HGSNAT: variants seen among roughly 807,000 people sequenced by gnomAD.
HGSNAT encodes heparan-alpha-glucosaminide N-acetyltransferase.
Under a neutral mutation model 85.2 loss-of-function variants are expected in HGSNAT, and 59 were observed. The ratio of observed to expected loss-of-function variants is 0.69; its 90% CI spans 0.56 to 0.86. HGSNAT has a LOEUF of 0.86. HGSNAT is among the 40% of genes least tolerant of loss of function. The pLI, the probability that HGSNAT is intolerant of heterozygous loss-of-function variation, is 0.00. For missense variants in HGSNAT, 756 were observed against 777.1 expected (o/e 0.97, Z 0.32); for synonymous variants, 321 against 304.5 (o/e 1.05, Z -0.56).
intron 1 of HGSNAT, among the ~76,000 whole-genome samples, chr8:43,141,326 G>GC (rs1802530193): frequency 6.6e-6 from 1 of 152,260 alleles, no homozygotes; most frequent in African/African-American, 2.4e-5. Context: ...GAGGGGCCGG[G>GC]CTGGGCGCTT....
At position 43,202,336 on chromosome 8, in the gene HGSNAT, C is replaced by T. The variant is rs74762381; in HGVS notation, c.*2767C>T. On this transcript the variant is annotated 3_prime_UTR_variant, in exon 18 of 18. Coordinates refer to ENST00000379644, the MANE Select transcript of HGSNAT (RefSeq NM_152419.3). ...TATCAGCTAGAAGCGCCTCGCTTGTCCCAAGACCAGCAGGGACAGGGAACT... is the reference window on the plus strand; with the variant it reads ...TATCAGCTAGAAGCGCCTCGCTTGTTCCAAGACCAGCAGGGACAGGGAACT... The T allele has an allele frequency of 4.4e-3, 671 of 152,464 alleles. 8 individuals carry two copies. Among genetic ancestry groups the T allele is most frequent in the African/African-American group, 0.015 (642 of 41,572 alleles). The allele number at this position is 152,464 out of a possible 1,614,324, so 9.4% of individuals were successfully genotyped here.
At chr8:43,149,838 T>G (rs185628097) in intron 2 of HGSNAT, among the ~76,000 whole-genome samples, 191 of 152,312 alleles carry the variant, frequency 1.3e-3, no homozygotes, top group African/African-American at 4.5e-3. Context: ...TGGAAGGATA[T>G]CTTTAAGATA....
intron 11 of HGSNAT, among the ~76,000 whole-genome samples, chr8:43,187,549 A>T (rs1305621132): frequency 1.3e-5 from 2 of 152,068 alleles, no homozygotes; most frequent in Non-Finnish European, 2.9e-5. Flanking sequence ...TGCACGTGAG[A>T]TGGGTCTCCT....
chr8:43,177,945 T>C, intron 9 of HGSNAT, 129 bp from the exon 10 acceptor site: 2 of 786,300 alleles, frequency 2.5e-6, no homozygotes, highest in Non-Finnish European at 4.3e-6. Context: ...TAGCTCAGTA[T>C]TATTTCAGTA....
chr8:43,150,461 TCAAAA>T, intron 2 of HGSNAT, among the ~76,000 whole-genome samples: 1 of 151,740 alleles, frequency 6.6e-6, no homozygotes, highest in African/African-American at 2.4e-5. Context: ...CTCATCTCTT[TCAAAA>T]CAAAACAAAA....
intron 11 of HGSNAT, 142 bp downstream of exon 11, chr8:43,182,402 C>T (rs540670183): frequency 2.8e-4 from 207 of 749,352 alleles, no homozygotes; most frequent in Middle Eastern, 3.5e-4. Context: ...CCACCCAAAG[C>T]GCCGGGATTA....
chr8:43,174,510 G>A (rs1803743645), intron 9 of HGSNAT, among the ~76,000 whole-genome samples: 1 of 152,168 alleles, frequency 6.6e-6, no homozygotes, highest in South Asian at 2.1e-4. Context: ...TCTTATTCTT[G>A]TGAAGGGACA....
intron 11 of HGSNAT, 151 bp from the exon 12 acceptor site, chr8:43,191,323 C>T: frequency 1.2e-6 from 1 of 819,840 alleles, no homozygotes; most frequent in East Asian, 2.5e-5. Context: ...GGAGAGGGAA[C>T]ATCTGGAGAA....
chr8:43,198,280 C>CTTT lies in HGSNAT; in HGVS notation c.1726+351_1726+353dup, dbSNP rs59416007. On this transcript the variant is annotated intron_variant, in intron 17 of 17. Transcript: ENST00000379644. ...AGGGCACATTATCCAGTTTCTGGTT[C>CTTT]TTTTTTTTTTTTTTTTTTTTTTTTT... Among the ~76,000 whole-genome samples the CTTT allele has an allele frequency of 2.4e-3, 217 of 90,330 alleles. 2 individuals carry two copies. The highest frequency in any genetic ancestry group is 2.9e-3 in the Non-Finnish European group (138 of 47,606). The allele number at this position is 90,330 out of a possible 152,430, so 59.3% of individuals were successfully genotyped here.
chr8:43,180,985 C>T lies in HGSNAT; in HGVS notation c.1013-1160C>T, dbSNP rs1318476444. 1.9e-4 allele frequency among the ~76,000 whole-genome samples: 21 copies of T among 108,638 alleles called. No homozygotes were observed. The East Asian group carries it at 4.7e-3, about 24-fold the overall frequency. 71.3% of individuals were successfully genotyped at this position (108,638 alleles called of 152,430 possible). A position where few individuals can be genotyped will look rare whatever the true frequency, so the allele number is the denominator to read the frequency against. The stretch of plus-strand genomic sequence containing the variant: ...GTGCGCGCCTGCAATCGCAGGCACT[C>T]GGCAGGCTGAGGCAGGAGAATCAGG... On this transcript the variant is annotated intron_variant, in intron 10 of 17. Coordinates refer to ENST00000379644, the MANE Select transcript of HGSNAT (RefSeq NM_152419.3).
At chr8:43,153,796 G>A (rs1420512827) in intron 2 of HGSNAT, among the ~76,000 whole-genome samples, 1 of 152,076 alleles carries the variant, frequency 6.6e-6, no homozygotes, top group Admixed American at 6.6e-5. Flanking sequence ...AGATCATGTG[G>A]TATTTGTCTT....
intron 5 of HGSNAT, chr8:43,167,961 C>G: frequency 4.0e-6 from 1 of 252,222 alleles, no homozygotes. Flanking sequence ...CTATGTCACC[C>G]AGGCTGGAGT....
At chr8:43,171,308 C>T (rs1393067218) in intron 7 of HGSNAT, among the ~76,000 whole-genome samples, 1 of 152,182 alleles carries the variant, frequency 6.6e-6, no homozygotes, top group East Asian at 1.9e-4. Flanking sequence ...TCACCAGAGC[C>T]CTGAGTGCCC....
chr8:43,140,508 G>A lies in HGSNAT; in HGVS notation c.12G>A (p.Ala4=), dbSNP rs1018475767. 1.5e-4 allele frequency: 155 copies of A among 1,058,390 alleles called. 1 individual carries two copies. In the African/African-American group the frequency reaches 2.5e-3, roughly 17 times the overall value. The allele number at this position is 1,058,390 out of a possible 1,614,324, so 65.6% of individuals were successfully genotyped here. Residue 4 remains alanine, a synonymous_variant, in exon 1 of 18, where the codon GCG becomes GCA. Transcript: ENST00000379644. The part of the protein sequence containing the change: MSG[A]GRALAALLLA... Reference sequence around the variant, plus strand: ...AGCGGGCGGCGGGCATGAGCGGGGCGGGCAGGGCGCTGGCCGCGCTGCTGC... The same window carrying A: ...AGCGGGCGGCGGGCATGAGCGGGGCAGGCAGGGCGCTGGCCGCGCTGCTGC...
At chr8:43,150,855 A>C (rs1802893125) in intron 2 of HGSNAT, among the ~76,000 whole-genome samples, 1 of 151,574 alleles carries the variant, frequency 6.6e-6, no homozygotes, top group South Asian at 2.1e-4. Flanking sequence ...ATAAATAAAT[A>C]AATAAATAAA....
chr8:43,162,107 T>A (rs1803285228), intron 5 of HGSNAT, among the ~76,000 whole-genome samples: 1 of 152,260 alleles, frequency 6.6e-6, no homozygotes, highest in South Asian at 2.1e-4. Context: ...GATCCAGTTT[T>A]AATTAACTTT....
chr8:43,186,922 G>A (rs928640688), intron 11 of HGSNAT, among the ~76,000 whole-genome samples: 2 of 152,194 alleles, frequency 1.3e-5, no homozygotes, highest in Non-Finnish European at 2.9e-5. Context: ...TCAGGAGTGG[G>A]TTGTTCAGTT....
At position 43,173,686 on chromosome 8, in the gene HGSNAT, T is replaced by G. The variant is rs999398262; in HGVS notation, c.821-27T>G. ...AGGTATTTGTATTCTAGAGTCCTTT[T>G]GCTTATGCTTTGTACTTGTTCTGCA... On this transcript the variant is annotated intron_variant, in intron 8 of 17. Transcript: ENST00000379644. 1.2e-6 allele frequency: 2 copies of G among 1,611,734 alleles called. No homozygotes were observed. The highest frequency in any genetic ancestry group is 2.7e-5 in the African/African-American group (2 of 75,006).
chr8:43,153,359 G>GTT (rs35612509), intron 2 of HGSNAT, among the ~76,000 whole-genome samples: 1 of 149,530 alleles, frequency 6.7e-6, no homozygotes, highest in Admixed American at 6.7e-5. Context: ...TTTTTAAAAA[G>GTT]TTTTTTTTTT....
Sources: allele counts gnomAD v4.1 joint callset (sites outside exome capture counted in the v4.1 genomes callset), GRCh38; gene constraint gnomAD v4.1.1; transcripts MANE v1.5; gene names NCBI Gene and HGNC (gene_info 2026-07-23, HGNC 2026-07-21).